Variants in RANBP2 observed in about 807,000 individuals in gnomAD.
The protein encoded by RANBP2 is E3 SUMO-protein ligase RanBP2.
In RANBP2, 57 loss-of-function variants were observed where a neutral mutation model predicts 303.6. The observed-to-expected ratio is 0.19, with a 90% CI of 0.15 to 0.23. RANBP2 has a LOEUF of 0.23. RANBP2 is among the 10% of genes least tolerant of loss of function. The pLI, the probability that RANBP2 is intolerant of heterozygous loss-of-function variation, is 1.00. For synonymous variants in RANBP2, 1,167 were observed against 1,301.5 expected (o/e 0.90, Z 2.23); for missense variants, 3,138 against 3,780.8 (o/e 0.83, Z 4.46).
the RANBP2 span, among the ~76,000 whole-genome samples, chr2:109,565,214 GA>G: frequency 4.0e-4 from 60 of 151,542 alleles, 4 homozygotes; most frequent in Admixed American, 7.2e-4. Flanking sequence ...TATCAATTAA[GA>G]AAAAAAATCA....
chr2:108,793,303 A>C, the RANBP2 span, among the ~76,000 whole-genome samples: 1 of 152,110 alleles, frequency 6.6e-6, no homozygotes, highest in Non-Finnish European at 1.5e-5. Context: ...ACTGCACTCC[A>C]GCCTGGGCGA....
At chr2:109,615,888 C>T in the RANBP2 span, 8 of 1,612,574 alleles carry the variant, frequency 5.0e-6, no homozygotes, top group Non-Finnish European at 6.8e-6. Context: ...CTCTAGTGGA[C>T]GTATAAAACC....
the RANBP2 span, among the ~76,000 whole-genome samples, chr2:109,484,928 T>C: frequency 6.6e-6 from 1 of 152,214 alleles, no homozygotes; most frequent in Non-Finnish European, 1.5e-5. Flanking sequence ...AACATCTTTG[T>C]GTGTACCTGG....
chr2:109,473,721 AC>A, the RANBP2 span, among the ~76,000 whole-genome samples: 2 of 42,798 alleles, frequency 4.7e-5, no homozygotes, highest in Admixed American at 4.5e-4. Context: ...TCAGCCACCC[AC>A]CCACCCCACC....
chr2:109,378,207 G>A, the RANBP2 span, among the ~76,000 whole-genome samples: 1 of 152,172 alleles, frequency 6.6e-6, no homozygotes, highest in Non-Finnish European at 1.5e-5. Flanking sequence ...GTCCGGGTGG[G>A]TTCACCCACC....
the RANBP2 span, among the ~76,000 whole-genome samples, chr2:108,901,071 C>G: frequency 1.3e-5 from 2 of 152,194 alleles, no homozygotes; most frequent in Non-Finnish European, 2.9e-5. Flanking sequence ...CTCCATTCAA[C>G]AACAGCAGAA....
At chr2:109,403,087 G>A in the RANBP2 span, among the ~76,000 whole-genome samples, 2 of 152,138 alleles carry the variant, frequency 1.3e-5, no homozygotes, top group Non-Finnish European at 2.9e-5. Flanking sequence ...CTCTTTCTTT[G>A]GTGTTGTCTT....
At chr2:109,724,027 C>A in the RANBP2 span, among the ~76,000 whole-genome samples, 217 of 152,302 alleles carry the variant, frequency 1.4e-3, no homozygotes, top group African/African-American at 4.6e-3. Flanking sequence ...ACTAGGGAAT[C>A]CTTCCCCCAT....
chr2:109,090,353 C>A, the RANBP2 span, among the ~76,000 whole-genome samples: 2 of 149,990 alleles, frequency 1.3e-5, no homozygotes, highest in South Asian at 2.1e-4. Context: ...CACACACACA[C>A]ACACACCACG....
chr2:108,959,728 T>C, the RANBP2 span, among the ~76,000 whole-genome samples: 5 of 152,190 alleles, frequency 3.3e-5, no homozygotes, highest in African/African-American at 1.2e-4. Flanking sequence ...CCCCAGCGTA[T>C]GAGAGCCAAA....
chr2:109,313,307 G>T, the RANBP2 span, among the ~76,000 whole-genome samples: 3 of 152,216 alleles, frequency 2.0e-5, no homozygotes, highest in Non-Finnish European at 2.9e-5. Flanking sequence ...CATCCCAAGG[G>T]GGGAGGCTGG....
the RANBP2 span, among the ~76,000 whole-genome samples, chr2:108,929,767 G>T: frequency 8.5e-5 from 13 of 152,202 alleles, no homozygotes; most frequent in Admixed American, 3.3e-4. Flanking sequence ...CTTGCCCAGA[G>T]GCGGAGGGAG....
At chr2:109,140,714 A>G in the RANBP2 span, among the ~76,000 whole-genome samples, 1 of 152,032 alleles carries the variant, frequency 6.6e-6, no homozygotes, top group East Asian at 1.9e-4. Context: ...GGGAAATAGA[A>G]TTTTTTCCCT....
chr2:109,565,171 T>C, the RANBP2 span, among the ~76,000 whole-genome samples: 4 of 152,302 alleles, frequency 2.6e-5, no homozygotes, highest in Admixed American at 6.5e-5. Flanking sequence ...AAAAATGTTA[T>C]ATTTTCTCAA....
the RANBP2 span, chr2:108,875,968 C>T: frequency 1.7e-6 from 1 of 598,842 alleles, no homozygotes; most frequent in Non-Finnish European, 2.8e-6. Context: ...CCTATTTTCT[C>T]CACTGTTTTT....
At chr2:109,585,309 A>G in the RANBP2 span, 1 of 1,600,500 alleles carries the variant, frequency 6.2e-7, no homozygotes, top group South Asian at 1.1e-5. Context: ...TGATTTTCCA[A>G]TTCCAGTTTC....
the RANBP2 span, among the ~76,000 whole-genome samples, chr2:109,192,020 T>A: frequency 6.6e-6 from 1 of 152,224 alleles, no homozygotes; most frequent in South Asian, 2.1e-4. Flanking sequence ...CCTGCAGTCA[T>A]TTTGGCGAAC....
At chr2:108,780,956 A>G (rs1573854849) in intron 25 of RANBP2, among the ~76,000 whole-genome samples, 1 of 151,744 alleles carries the variant, frequency 6.6e-6, no homozygotes, top group Non-Finnish European at 1.5e-5. Flanking sequence ...AGATGCGCTC[A>G]CCTCGGCCTC....
At chr2:109,213,391 T>C in the RANBP2 span, among the ~76,000 whole-genome samples, 1 of 152,184 alleles carries the variant, frequency 6.6e-6, no homozygotes, top group African/African-American at 2.4e-5. Flanking sequence ...GGACCAGGGC[T>C]CCTCAAACCT....
Sources: allele counts gnomAD v4.1 joint callset (sites outside exome capture counted in the v4.1 genomes callset), GRCh38; gene constraint gnomAD v4.1.1; transcripts MANE v1.5; gene names NCBI Gene and HGNC (gene_info 2026-07-23, HGNC 2026-07-21).